The following HCK variants were observed in gnomAD, a reference collection of about 807,000 sequenced individuals.
HCK encodes the protein HCK proto-oncogene, Src family tyrosine kinase.
HCK carries 40 observed loss-of-function variants against 70.4 expected under a neutral mutation model. That is an observed-to-expected ratio of 0.57 (90% confidence interval 0.44 to 0.74). The LOEUF (loss-of-function observed/expected upper bound fraction) is 0.74, where lower values mean the gene tolerates loss of function less well. Ranked by LOEUF, HCK falls within the 30% of genes least tolerant of loss-of-function variation. The pLI, the probability that HCK is intolerant of heterozygous loss-of-function variation, is 0.00. For synonymous variants in HCK, 245 were observed against 263.2 expected, an observed-to-expected ratio of 0.93 and a Z score of 0.67; for missense variants, 568 against 697.2, an observed-to-expected ratio of 0.81 and a Z score of 2.09.
intron 1 of HCK, among the ~76,000 whole-genome samples, chr20:32,062,840 C>G (rs1017141231): frequency 1.3e-5 from 2 of 152,176 alleles, no homozygotes. Flanking sequence ...CTCTGCACCC[C>G]CAAGGCACTG....
At chr20:32,078,801 G>A (rs987325588) in intron 5 of HCK, among the ~76,000 whole-genome samples, 2 of 131,956 alleles carry the variant, frequency 1.5e-5, no homozygotes, top group African/African-American at 3.0e-5. Context: ...AGGTTTCAGT[G>A]AGCCCAGATC....
At chr20:32,079,249 C>T (rs1292896673) in intron 5 of HCK, among the ~76,000 whole-genome samples, 1 of 152,218 alleles carries the variant, frequency 6.6e-6, no homozygotes, top group Non-Finnish European at 1.5e-5. Flanking sequence ...ATATTCAACT[C>T]CATATATGCG....
intron 1 of HCK, among the ~76,000 whole-genome samples, chr20:32,060,046 G>C (rs1046833282): frequency 1.3e-5 from 2 of 152,182 alleles, no homozygotes; most frequent in East Asian, 1.9e-4. Context: ...TACCACGGCA[G>C]GTTAAAGTGA....
intron 1 of HCK, among the ~76,000 whole-genome samples, chr20:32,059,274 T>TCC (rs1248258854): frequency 6.9e-6 from 1 of 144,062 alleles, no homozygotes; most frequent in Non-Finnish European, 1.5e-5. Context: ...TCTGTAATGT[T>TCC]TTAATCTTCC....
At chr20:32,075,706 T>TCATCCATCCATC (rs56660439) in intron 5 of HCK, among the ~76,000 whole-genome samples, 78 of 150,476 alleles carry the variant, frequency 5.2e-4, no homozygotes, top group East Asian at 3.2e-3. Flanking sequence ...ATCCATCCAT[T>TCATCCATCCATC]CATCCATCCA....
At chr20:32,086,504 C>T in intron 8 of HCK, 124 bp from the exon 9 acceptor site, 2 of 793,914 alleles carry the variant, frequency 2.5e-6, no homozygotes, top group East Asian at 2.9e-5. Context: ...TCGCTTCCCT[C>T]TCTGAGAGTT....
intron 1 of HCK, among the ~76,000 whole-genome samples, chr20:32,066,941 G>A (rs73247031): frequency 0.023 from 3,446 of 152,114 alleles, 105 homozygotes; most frequent in African/African-American, 0.07. Flanking sequence ...GTTCTTCTTT[G>A]GAGTATTCTT....
chr20:32,063,903 T>C (rs79052786), intron 1 of HCK, among the ~76,000 whole-genome samples: 3,068 of 151,344 alleles, frequency 0.02, 77 homozygotes, highest in African/African-American at 0.059. Context: ...TTCTTGGGTT[T>C]GCCTTGCTGC....
At chr20:32,075,625 T>A (rs902847011) in intron 5 of HCK, among the ~76,000 whole-genome samples, 10 of 152,152 alleles carry the variant, frequency 6.6e-5, no homozygotes, top group African/African-American at 2.4e-4. Flanking sequence ...CCATAACCCA[T>A]CGTTCTTGGC....
Position 32,088,565 on chromosome 20 carries a change from T to C in HCK, c.1016-3T>C, listed in dbSNP as rs1317914851. The C allele has an allele frequency of 6.2e-7, 1 of 1,610,732 alleles. No individual in the cohort carries two copies. ...AAATGTTCCTCCCCTCTCCCCCATA[T>C]AGGAAGCTTGCTGGACTTTCTGAAA... On this transcript the variant is annotated splice_region_variant and splice_polypyrimidine_tract_variant and intron_variant, in intron 9 of 12. Transcript: ENST00000375852.
intron 1 of HCK, among the ~76,000 whole-genome samples, chr20:32,064,515 C>T (rs1409880919): frequency 6.6e-6 from 1 of 152,166 alleles, no homozygotes; most frequent in Non-Finnish European, 1.5e-5. Flanking sequence ...ACTTCTAATC[C>T]AACATCTCAT....
chr20:32,095,768 C>T (rs934371694), intron 11 of HCK, among the ~76,000 whole-genome samples: 2 of 152,010 alleles, frequency 1.3e-5, no homozygotes, highest in African/African-American at 4.8e-5. Context: ...AATTCTATCT[C>T]GATAAAGCTG....
Position 32,101,485 on chromosome 20 carries a change from C to T in HCK, c.1547C>T (p.Thr516Met), listed in dbSNP as rs961741242. ...CAGAGTGTGCTGGATGACTTCTACACGGCCACAGAGAGCCAGTACCAACAG... is the reference window on the plus strand; with the variant it reads ...CAGAGTGTGCTGGATGACTTCTACATGGCCACAGAGAGCCAGTACCAACAG... The change falls in exon 13 of 13, where the codon ACG (threonine) becomes ATG (methionine). Residue 516 changes from threonine to methionine, a missense_variant. Coordinates refer to ENST00000375852, the MANE Select transcript of HCK (RefSeq NM_002110.5). 24 of 1,613,584 alleles carry T rather than the reference C, an allele frequency of 1.5e-5. No homozygotes were observed. Among genetic ancestry groups the T allele is most frequent in the Admixed American group, 1.7e-5 (1 of 59,926 alleles).
chr20:32,070,782 A>G (rs763493477), intron 1 of HCK, among the ~76,000 whole-genome samples: 1 of 152,052 alleles, frequency 6.6e-6, no homozygotes, highest in Non-Finnish European at 1.5e-5. Context: ...CAGTTTAGAA[A>G]AGTGCCCAGT....
chr20:32,093,448 AAG>A (rs1455308975), intron 10 of HCK, among the ~76,000 whole-genome samples: 1 of 151,068 alleles, frequency 6.6e-6, no homozygotes, highest in East Asian at 1.9e-4. Flanking sequence ...TGTCCCCAGA[AAG>A]AGAGTTGAAG....
chr20:32,096,620 G>A (rs2122632312), intron 11 of HCK, among the ~76,000 whole-genome samples: 1 of 151,962 alleles, frequency 6.6e-6, no homozygotes, highest in East Asian at 1.9e-4. Context: ...TCCAGCCTCA[G>A]CCTCCTGAGT....
rs146372860 is a variant in HCK at position 32,074,645 on chromosome 20, C to G, written c.352C>G (p.Arg118Gly). The G allele has an allele frequency of 4.3e-6, 7 of 1,613,704 alleles. No individual in the cohort carries two copies. In the South Asian group the frequency reaches 7.7e-5, roughly 18 times the overall value. Residue 118 changes from arginine to glycine, a missense_variant, in exon 5 of 13, where the codon CGA becomes GGA. Physicochemically the swap from Arg to Gly is moderately radical, Grantham distance 125. Coordinates refer to ENST00000375852, the MANE Select transcript of HCK (RefSeq NM_002110.5). ...CAGATCCGGGGAGTGGTGGAAGGCT[C>G]GATCCCTGGCCACCCGGAAGGAGGG...
intron 1 of HCK, among the ~76,000 whole-genome samples, chr20:32,059,279 T>TCTTC (rs11272727): frequency 0.092 from 13,448 of 146,010 alleles, 826 homozygotes; most frequent in South Asian, 0.22. Context: ...AATGTTTTAA[T>TCTTC]CTTCCTTCCT....
chr20:32,088,621 A>G lies in HCK; in HGVS notation c.1069A>G (p.Lys357Glu). ...TGAGGGCAGCAAGCAGCCATTGCCA[A>G]AACTCATTGACTTCTCAGCCCAGGT... The change falls in exon 10 of 13, where the codon AAA becomes GAA. Residue 357 changes from lysine (K) to glutamate (E), a missense_variant. Lys to Glu is a moderately conservative substitution (Grantham distance 56, BLOSUM62 1). Transcript: ENST00000375852. The G allele has an allele frequency of 6.2e-7, 1 of 1,614,084 alleles. No individual in the cohort carries two copies. Among genetic ancestry groups the G allele is most frequent in the East Asian group, 2.2e-5 (1 of 44,874 alleles).
Sources: gnomAD v4.1 joint callset for allele counts (sites outside exome capture counted in the v4.1 genomes callset) on GRCh38, gnomAD v4.1.1 for gene constraint, MANE v1.5 for transcripts, NCBI Gene and HGNC (gene_info 2026-07-23, HGNC 2026-07-21) for gene names.